The following PEX11G variants were observed in gnomAD, a reference collection of about 807,000 sequenced individuals.
PEX11G encodes peroxisomal membrane protein 11C.
PEX11G carries 20 observed loss-of-function variants against 22.5 expected under a neutral mutation model. That is an observed-to-expected ratio of 0.89 (90% CI 0.62 to 1.29). The LOEUF is 1.29. Ranked by LOEUF, PEX11G falls within the 50% of genes most tolerant of loss-of-function variation. The pLI, the probability that PEX11G is intolerant of heterozygous loss-of-function variation, is 0.00. For missense variants in PEX11G, 347 were observed against 331.3 expected (o/e 1.05, Z -0.37); for synonymous variants, 141 against 154.5 (o/e 0.91, Z 0.65).
chr19:7,490,817 G>C (rs796891610), upstream of PEX11G, among the ~76,000 whole-genome samples: 8 of 151,450 alleles, frequency 5.3e-5, no homozygotes, highest in African/African-American at 1.9e-4. Flanking sequence ...CCACAAAAAA[G>C]GGGTAGAGTG....
chr19:7,477,326 C>A lies in PEX11G; in HGVS notation c.602G>T (p.Arg201Leu). Residue 201 changes from arginine (R) to leucine (L), a missense_variant, in exon 5 of 5, where the codon CGG (arginine) becomes CTG (leucine). Coordinates refer to ENST00000221480, the MANE Select transcript of PEX11G (RefSeq NM_080662.4). ...DLANAVHWLPRGVLWAGRFPP... is the reference protein window; with the variant it reads ...DLANAVHWLPLGVLWAGRFPP... ...GAAGCGGCCGGCCCACAGCACGCCC[C>A]GGGGCAGCCAGTGCACGGCGTTGGC... The A allele has an allele frequency of 6.4e-7, 1 of 1,560,174 alleles. No individual in the cohort carries two copies. The highest frequency in any genetic ancestry group is 8.7e-7 in the Non-Finnish European group (1 of 1,154,090).
In PEX11G at chr19:7,485,937, C is replaced by A; in HGVS notation, c.150G>T (p.Leu50Phe). Residue 50 changes from leucine to phenylalanine, a missense_variant, in exon 2 of 5, where the codon TTG becomes TTT. Transcript: ENST00000221480. The stretch of plus-strand genomic sequence containing the variant: ...AGTGGCTGAGTTGGGTGGACACCAC[C>A]AACAGACGTGTCCCCACTTCGGACC... ...PARSEVGTRL[L>F]VVSTQLSHCR... 1 of 1,613,570 alleles carries A rather than the reference C, an allele frequency of 6.2e-7. No homozygotes were observed. Among genetic ancestry groups the A allele is most frequent in the South Asian group, 1.1e-5 (1 of 91,052 alleles).
Position 7,477,204 on chromosome 19 carries a change from A to G in PEX11G, c.724T>C (p.Ter242ArgextTer61), listed in dbSNP as rs1599200871. 6.7e-7 allele frequency: 1 copy of G among 1,490,522 alleles called. No individual in the cohort carries two copies. Among genetic ancestry groups the G allele is most frequent in the Admixed American group, 2.6e-5 (1 of 39,130 alleles). 92.3% of individuals were successfully genotyped at this position (1,490,522 alleles called of 1,614,324 possible). ...GTCCCTGTGCTCTTCCGGCAGTGTC[A>G]GGGGGTAGTGGCCTCGGCCTGGCCG... ...AGGQAEATTP[*>R] Residue 242 changes from the stop codon to arginine, a stop_lost, in exon 5 of 5, where the codon TGA (stop) becomes CGA (arginine). Transcript: ENST00000221480.
upstream of PEX11G, among the ~76,000 whole-genome samples, chr19:7,490,642 ATTTTTTTTTTTTTTTT>A (rs749165168): frequency 5.4e-5 from 3 of 55,074 alleles, no homozygotes; most frequent in African/African-American, 2.3e-4. Context: ...CCTGGCCTCT[ATTTTTTTTTTTTTTTT>A]TTTTTTTTTT....
chr19:7,491,411 A>G (rs1297564481), upstream of PEX11G, among the ~76,000 whole-genome samples: 2 of 151,754 alleles, frequency 1.3e-5, no homozygotes, highest in African/African-American at 2.4e-5. Flanking sequence ...CTGAGAGTAC[A>G]GGTGCGCACC....
At chr19:7,486,092 T>C in intron 1 of PEX11G, 66 bp from the exon 2 acceptor site, 1 of 1,403,442 alleles carries the variant, frequency 7.1e-7, no homozygotes, top group Non-Finnish European at 9.7e-7. Flanking sequence ...CATCCCCCCA[T>C]ACCTGGCCCC....
chr19:7,487,907 C>T (rs1453448899), intron 1 of PEX11G, among the ~76,000 whole-genome samples: 4 of 152,136 alleles, frequency 2.6e-5, no homozygotes, highest in Middle Eastern at 3.2e-3. Flanking sequence ...AATCTAAATG[C>T]CTAGCCACCA....
chr19:7,493,743 C>A (rs1476707918), upstream of PEX11G, among the ~76,000 whole-genome samples: 1 of 151,918 alleles, frequency 6.6e-6, no homozygotes, highest in East Asian at 1.9e-4. Context: ...CAGTGACTCA[C>A]ACCTGTAATC....
In PEX11G at chr19:7,487,533, C is replaced by A. The variant is rs1316504529; in HGVS notation, c.60+1418G>T. On this transcript the variant is annotated intron_variant, in intron 1 of 4. Coordinates refer to ENST00000221480, the MANE Select transcript of PEX11G (RefSeq NM_080662.4). Reference sequence around the variant, plus strand: ...TGCATCCCAGGTTCAAGCAATTCTCCCGCCTCAGCCTTCCAAGTAGCTGGG... The same window carrying A: ...TGCATCCCAGGTTCAAGCAATTCTCACGCCTCAGCCTTCCAAGTAGCTGGG... Among the ~76,000 whole-genome samples the A allele has an allele frequency of 2.0e-5, 3 of 152,086 alleles. No homozygotes were observed. In the East Asian group the frequency reaches 5.8e-4, roughly 29 times the overall value.
At chr19:7,488,213 T>C (rs2021750283) in intron 1 of PEX11G, among the ~76,000 whole-genome samples, 2 of 152,152 alleles carry the variant, frequency 1.3e-5, no homozygotes. Flanking sequence ...GCAGAGACGA[T>C]CTAAATGACC....
At chr19:7,494,030 C>T (rs568999722), upstream of PEX11G, among the ~76,000 whole-genome samples, 40 of 152,102 alleles carry the variant, frequency 2.6e-4, no homozygotes, top group African/African-American at 9.2e-4. Context: ...CCTCAGCCTC[C>T]CAAGTAGCTA....
rs745932137 is a variant in PEX11G, at chr19:7,482,170, G to T, written c.291C>A (p.Asn97Lys). 5.7e-6 allele frequency: 9 copies of T among 1,586,574 alleles called. No homozygotes were observed. Among genetic ancestry groups the T allele is most frequent in the Non-Finnish European group, 7.7e-6 (9 of 1,167,132 alleles). The change falls in exon 3 of 5, where the codon AAC (asparagine) becomes AAA (lysine). Residue 97 changes from asparagine (N) to lysine (K), a missense_variant. Transcript: ENST00000221480. ...AGGGGTAGTAGAGCTGGTCAGCCAG[G>T]TTCCCTAGGACGGAGACACAGCGGA... ...AFVRCVSVLG[N>K]LADQLYYPCE...
chr19:7,488,562 G>A (rs1599224812), intron 1 of PEX11G, among the ~76,000 whole-genome samples: 1 of 152,252 alleles, frequency 6.6e-6, no homozygotes, highest in South Asian at 2.1e-4. Flanking sequence ...CACTTTGGGA[G>A]GCCGAGGCAG....
Position 7,478,367 on chromosome 19 carries a change from C to G in PEX11G, c.438G>C (p.Trp146Cys), listed in dbSNP as rs748829959. The change falls in exon 4 of 5, where the codon TGG becomes TGC. Residue 146 changes from tryptophan (W) to cysteine (C), a missense_variant. Trp to Cys is a radical substitution (Grantham distance 215, BLOSUM62 -2). Coordinates refer to ENST00000221480, the MANE Select transcript of PEX11G (RefSeq NM_080662.4). ...SLLLGVARSL[W>C]MLLKLRQRLR... ...GCCTCTGTCTCAGTTTCAGCAGCAT[C>G]CACAGGGACCTGCAGCACCAGAGCC... The G allele has an allele frequency of 6.2e-7, 1 of 1,610,482 alleles. No homozygotes were observed. Among genetic ancestry groups the G allele is most frequent in the Non-Finnish European group, 8.5e-7 (1 of 1,179,172 alleles).
In PEX11G at chr19:7,486,087, C is replaced by A. The variant is rs1599221158; in HGVS notation, c.61-61G>T. The A allele has an allele frequency of 2.8e-6, 4 of 1,444,974 alleles. No individual in the cohort carries two copies. In the East Asian group the frequency reaches 9.4e-5, roughly 34 times the overall value. 89.5% of individuals were successfully genotyped at this position (1,444,974 alleles called of 1,614,324 possible). A position where few individuals can be genotyped will look rare whatever the true frequency, so the allele number is the denominator to read the frequency against. Reference sequence around the variant, plus strand: ...TGTTCTGCAGAACTGAGCTGCATCCCCCCATACCTGGCCCCGGGCCCCGCT... The same window carrying A: ...TGTTCTGCAGAACTGAGCTGCATCCACCCATACCTGGCCCCGGGCCCCGCT... On this transcript the variant is annotated intron_variant, in intron 1 of 4. Coordinates refer to ENST00000221480, the MANE Select transcript of PEX11G (RefSeq NM_080662.4).
Position 7,488,967 on chromosome 19 carries a change from C to T in PEX11G, c.44G>A (p.Arg15Lys), listed in dbSNP as rs868208017. The T allele has an allele frequency of 6.4e-7, 1 of 1,555,460 alleles. No individual in the cohort carries two copies. The change falls in exon 1 of 5, where the codon AGG becomes AAG. Residue 15 changes from arginine to lysine, a missense_variant. By Grantham distance (26) the Arg-to-Lys change is conservative. Transcript: ENST00000221480. ...SGLASALESY[R>K]GRDRLIRVLG... Reference sequence around the variant, plus strand: ...CTGCCTCACCAGGCGGTCCCGGCCCCTGTACGACTCCAGCGCCGACGCCAG... The same window carrying T: ...CTGCCTCACCAGGCGGTCCCGGCCCTTGTACGACTCCAGCGCCGACGCCAG...
rs2303145 is a variant in PEX11G at position 7,478,411 on chromosome 19, C to G, written c.429-35G>C. ...CAGAGCCCGAGGGAGGATGCCCCGG[C>G]GGGGAGCAGGAGGGTTAGCTCCACA... On this transcript the variant is annotated intron_variant, in intron 3 of 4. Coordinates refer to ENST00000221480, the MANE Select transcript of PEX11G (RefSeq NM_080662.4). 107 of 1,588,140 alleles carry G rather than the reference C, an allele frequency of 6.7e-5. 2 individuals carry two copies. The South Asian group carries it at 1.0e-3, about 15-fold the overall frequency.
intron 2 of PEX11G, among the ~76,000 whole-genome samples, chr19:7,485,098 A>G (rs1465161075): frequency 1.3e-5 from 2 of 152,184 alleles, no homozygotes; most frequent in African/African-American, 4.8e-5. Flanking sequence ...TCAAGGCTGC[A>G]GTGAGCTATG....
upstream of PEX11G, chr19:7,489,069 C>A: frequency 7.0e-7 from 1 of 1,437,402 alleles, no homozygotes; most frequent in Admixed American, 2.9e-5. Flanking sequence ...GGGGCCAGGC[C>A]GGGGTACCGG....
Sources: gnomAD v4.1 joint callset for allele counts (sites outside exome capture counted in the v4.1 genomes callset) on GRCh38, gnomAD v4.1.1 for gene constraint, MANE v1.5 for transcripts, NCBI Gene and HGNC (gene_info 2026-07-23, HGNC 2026-07-21) for gene names.